Variants in ASB15 observed in about 807,000 individuals in gnomAD.
ASB15 encodes ankyrin repeat and SOCS box containing 15.
In ASB15, 54 loss-of-function variants were observed where a neutral mutation model predicts 58.0. The ratio of observed to expected loss-of-function variants is 0.93; its 90% confidence interval spans 0.75 to 1.17. The LOEUF (loss-of-function observed/expected upper bound fraction) is 1.17. Among genes scored for constraint, ASB15 ranks in the 50% most tolerant of loss-of-function variants. ASB15 has a pLI of 0.00. For synonymous variants in ASB15, 249 were observed against 262.4 expected (o/e 0.95, Z 0.50); for missense variants, 680 against 707.4 (o/e 0.96, Z 0.44).
At chr7:123,569,448 G>T (rs1026669700) in intron 1 of ASB15, among the ~76,000 whole-genome samples, 6 of 152,342 alleles carry the variant, frequency 3.9e-5, no homozygotes, top group African/African-American at 1.4e-4. Flanking sequence ...ACTACCTGGT[G>T]TGGGTGGTGG....
At chr7:123,582,393 G>A (rs1449268908) in intron 1 of ASB15, among the ~76,000 whole-genome samples, 1 of 151,898 alleles carries the variant, frequency 6.6e-6, no homozygotes, top group Non-Finnish European at 1.5e-5. Flanking sequence ...ACCCCAAAGA[G>A]AAAGCCTTTT....
intron 1 of ASB15, among the ~76,000 whole-genome samples, chr7:123,592,627 T>A (rs1799571866): frequency 6.6e-6 from 1 of 152,228 alleles, no homozygotes. Context: ...ATTTCTAATT[T>A]GATTGCACTG....
chr7:123,613,325 A>G (rs915100304), intron 3 of ASB15, among the ~76,000 whole-genome samples: 8 of 152,256 alleles, frequency 5.3e-5, no homozygotes, highest in African/African-American at 1.9e-4. Context: ...GACATACTAT[A>G]AAGTAAAATT....
chr7:123,630,143 C>A, intron 11 of ASB15, 24 bp downstream of exon 11: 3 of 1,528,310 alleles, frequency 2.0e-6, no homozygotes, highest in South Asian at 2.5e-5. Flanking sequence ...GTTTTGCCTA[C>A]AATTTTTAAA....
intron 1 of ASB15, among the ~76,000 whole-genome samples, chr7:123,588,804 T>C (rs1229082019): frequency 6.6e-6 from 1 of 151,774 alleles, no homozygotes; most frequent in Non-Finnish European, 1.5e-5. Context: ...TTTTTAAATT[T>C]CCCTTTTGAT....
chr7:123,615,267 T>TA (rs564084361), intron 4 of ASB15: 1 of 152,194 alleles, frequency 6.6e-6, no homozygotes, highest in East Asian at 1.9e-4. Context: ...ATTTCTTTCT[T>TA]AAAAAAACAC....
chr7:123,622,681 A>C (rs1190733196), intron 7 of ASB15: 1 of 152,206 alleles, frequency 6.6e-6, no homozygotes, highest in Non-Finnish European at 1.5e-5. Context: ...CTAATTATAA[A>C]AACTGCCATC....
chr7:123,616,216 C>T lies in ASB15; in HGVS notation c.108-5C>T, dbSNP rs758113189. On this transcript the variant is annotated splice_polypyrimidine_tract_variant and splice_region_variant and intron_variant, in intron 4 of 11. Transcript: ENST00000451215. ...GTATAAATATTATTTTTCTTTATCT[C>T]ATAGATTTGTACCCCTAAGTGCTCA... 24 of 1,581,958 alleles carry T rather than the reference C, an allele frequency of 1.5e-5. No individual in the cohort carries two copies. Among genetic ancestry groups the T allele is most frequent in the East Asian group, 6.7e-5 (3 of 44,652 alleles).
At chr7:123,620,237 A>G (rs1264595007) in intron 7 of ASB15, 1 of 151,934 alleles carries the variant, frequency 6.6e-6, no homozygotes, top group African/African-American at 2.4e-5. Context: ...CCTTGGGGCA[A>G]CGGAGGCCAG....
chr7:123,629,478 T>C (rs1208309809), intron 10 of ASB15, 44 bp downstream of exon 10: 1 of 1,417,572 alleles, frequency 7.1e-7, no homozygotes, highest in Non-Finnish European at 9.6e-7. Context: ...ATCATCCTAA[T>C]TTAATACATG....
At chr7:123,580,805 T>C (rs1799211249) in intron 1 of ASB15, among the ~76,000 whole-genome samples, 2 of 151,904 alleles carry the variant, frequency 1.3e-5, no homozygotes, top group Admixed American at 1.3e-4. Context: ...TGCTTAGGTA[T>C]AACAAAATCT....
chr7:123,621,055 A>G (rs1357574445), intron 7 of ASB15, among the ~76,000 whole-genome samples: 1 of 152,158 alleles, frequency 6.6e-6, no homozygotes, highest in East Asian at 1.9e-4. Context: ...CTTAAAGGAC[A>G]ACTAAGCCGT....
chr7:123,582,851 C>T (rs1176470867), intron 1 of ASB15, among the ~76,000 whole-genome samples: 1 of 151,972 alleles, frequency 6.6e-6, no homozygotes, highest in Non-Finnish European at 1.5e-5. Context: ...TAAATACATA[C>T]TTGGCAAATA....
At chr7:123,581,866 G>T (rs805789) in intron 1 of ASB15, among the ~76,000 whole-genome samples, 110,375 of 151,898 alleles carry the variant, frequency 0.73, 40,255 homozygotes, top group African/African-American at 0.8. Context: ...CAAGAGTACT[G>T]TTCAAAAGAC....
chr7:123,582,756 T>G (rs1799271691), intron 1 of ASB15, among the ~76,000 whole-genome samples: 1 of 152,010 alleles, frequency 6.6e-6, no homozygotes, highest in Admixed American at 6.6e-5. Context: ...CACCTTCTTT[T>G]GATCATCTAT....
At chr7:123,583,758 C>G (rs1032504939) in intron 1 of ASB15, among the ~76,000 whole-genome samples, 3 of 151,840 alleles carry the variant, frequency 2.0e-5, no homozygotes, top group African/African-American at 7.3e-5. Context: ...TTCCTCATAA[C>G]ATCTTCATAA....
chr7:123,597,729 G>A (rs1038904305), upstream of ASB15, among the ~76,000 whole-genome samples: 4 of 152,094 alleles, frequency 2.6e-5, no homozygotes, highest in African/African-American at 9.7e-5. Context: ...TACGCGGGAG[G>A]CTGAGGCAGG....
At chr7:123,620,709 C>G (rs986107476) in intron 7 of ASB15, among the ~76,000 whole-genome samples, 87 of 147,706 alleles carry the variant, frequency 5.9e-4, no homozygotes, top group Non-Finnish European at 7.6e-4. Flanking sequence ...ACTACAGGCG[C>G]CCACCACCAT....
intron 1 of ASB15, among the ~76,000 whole-genome samples, chr7:123,571,388 T>C (rs1473513070): frequency 6.6e-6 from 1 of 152,240 alleles, no homozygotes. Flanking sequence ...ACAAAAATGC[T>C]AACTATGTAA....
Sources: allele counts gnomAD v4.1 joint callset (sites outside exome capture counted in the v4.1 genomes callset), GRCh38; gene constraint gnomAD v4.1.1; transcripts MANE v1.5; gene names NCBI Gene and HGNC (gene_info 2026-07-23, HGNC 2026-07-21).